The following LRIG1 variants were observed in gnomAD, a reference collection of about 807,000 sequenced individuals.
LRIG1 encodes the protein leucine rich repeats and immunoglobulin like domains 1, also known as leucine-rich repeats and immunoglobulin-like domains protein 1.
LRIG1 carries 48 observed loss-of-function variants against 99.2 expected under a neutral mutation model. That is an observed-to-expected ratio of 0.48 (90% CI 0.38 to 0.62). The LOEUF (loss-of-function observed/expected upper bound fraction) is 0.62. Among genes scored for constraint, LRIG1 ranks in the 20% least tolerant of loss-of-function variants. LRIG1 has a pLI of 0.00. For synonymous variants in LRIG1, 772 were observed against 596.1 expected (o/e 1.29, Z -4.30); for missense variants, 1,646 against 1,434.4 (o/e 1.15, Z -2.38).
rs1701338238 is a variant in LRIG1, at chr3:66,500,650, C to T, written c.-243G>A. The stretch of plus-strand genomic sequence containing the variant: ...CGCCCATCCGGGCCGGCCGGCCCGC[C>T]CGCGCTAGCTGCGAACTCCGCCGAT... On this transcript the variant is annotated 5_prime_UTR_variant, in exon 1 of 19. Transcript: ENST00000273261. 3.3e-6 allele frequency: 1 copy of T among 306,880 alleles called. No homozygotes were observed. The highest frequency in any genetic ancestry group is 2.2e-5 in the African/African-American group (1 of 45,494). The allele number at this position is 306,880 out of a possible 1,614,324, so 19.0% of individuals were successfully genotyped here.
rs1479115683 is a variant in LRIG1 at position 66,381,419 on chromosome 3, T to G, written c.2770+60A>C. ...GTGTCTCCCCCTTTGATGTAGTGAC[T>G]AGGTCAGCCCAAATTTCCATTTCAG... On this transcript the variant is annotated intron_variant, in intron 17 of 18. Coordinates refer to ENST00000273261, the MANE Select transcript of LRIG1 (RefSeq NM_015541.3). 5.8e-6 allele frequency: 9 copies of G among 1,548,596 alleles called. No homozygotes were observed. In the Admixed American group the frequency reaches 1.5e-4, roughly 27 times the overall value.
In LRIG1 at chr3:66,382,367, G is replaced by T; in HGVS notation, c.2523C>A (p.Ser841Arg). 2 of 1,614,198 alleles carry T rather than the reference G, an allele frequency of 1.2e-6. No individual in the cohort carries two copies. The highest frequency in any genetic ancestry group is 1.3e-5 in the African/African-American group (1 of 75,048). ...DETVVPPDVP[S>R]YLSSQGTLSD... ...AAAGGGTCCCCTGAGAAGAGAGGTA[G>T]CTTGGAACATCTGGTGGCACGACGG... The change falls in exon 16 of 19, where the codon AGC (serine) becomes AGA (arginine). Residue 841 changes from serine to arginine, a missense_variant. Ser to Arg is a moderately radical substitution (Grantham distance 110). Coordinates refer to ENST00000273261, the MANE Select transcript of LRIG1 (RefSeq NM_015541.3).
intron 15 of LRIG1, 111 bp downstream of exon 15, chr3:66,382,871 A>G: frequency 1.1e-6 from 1 of 933,964 alleles, no homozygotes; most frequent in Non-Finnish European, 1.6e-6. Context: ...AACCCTCAGG[A>G]GTTCTGAACA....
intron 1 of LRIG1, among the ~76,000 whole-genome samples, chr3:66,469,828 C>T (rs890310780): frequency 3.4e-5 from 5 of 146,844 alleles, no homozygotes; most frequent in African/African-American, 1.0e-4. Context: ...TCAGCACTTT[C>T]GGAGGCTAAA....
chr3:66,487,881 C>A (rs928082529), intron 1 of LRIG1, among the ~76,000 whole-genome samples: 1 of 152,116 alleles, frequency 6.6e-6, no homozygotes, highest in Non-Finnish European at 1.5e-5. Flanking sequence ...CTAAAGTAGT[C>A]CCTAATTGTT....
At chr3:66,415,154 G>C in intron 4 of LRIG1, 91 bp from the exon 5 acceptor site, 1 of 1,357,402 alleles carries the variant, frequency 7.4e-7, no homozygotes, top group East Asian at 2.4e-5. Context: ...TCTGAGTTGG[G>C]AAGATGAGTT....
intron 3 of LRIG1, among the ~76,000 whole-genome samples, chr3:66,449,574 T>A (rs1461253838): frequency 6.6e-6 from 1 of 152,196 alleles, no homozygotes. Flanking sequence ...AAGGTGCAAT[T>A]CTAAGTGCCA....
chr3:66,384,317 T>A, intron 13 of LRIG1, 45 bp from the exon 14 acceptor site: 2 of 1,575,734 alleles, frequency 1.3e-6, no homozygotes, highest in Non-Finnish European at 1.7e-6. Context: ...GACAGCTAGA[T>A]GCAAAACCAG....
chr3:66,408,962 G>GTGTGTGTGTGT (rs1553715390), intron 7 of LRIG1, among the ~76,000 whole-genome samples: 318 of 102,976 alleles, frequency 3.1e-3, no homozygotes, highest in East Asian at 0.018. Flanking sequence ...GTGTGTGTGT[G>GTGTGTGTGTGT]GTGGGGGGAG....
chr3:66,485,153 C>G, intron 1 of LRIG1, among the ~76,000 whole-genome samples: 1 of 63,636 alleles, frequency 1.6e-5, no homozygotes, highest in Admixed American at 1.4e-4. Context: ...TTAAGACCCT[C>G]TCAAAAAAAA....
chr3:66,433,404 T>C (rs763017457), intron 3 of LRIG1, among the ~76,000 whole-genome samples: 1 of 152,216 alleles, frequency 6.6e-6, no homozygotes, highest in Non-Finnish European at 1.5e-5. Flanking sequence ...AGGTTACACA[T>C]GGGCCCCTCA....
intron 16 of LRIG1, 95 bp from the exon 17 acceptor site, chr3:66,381,726 T>C (rs1049645594): frequency 1.4e-6 from 2 of 1,423,550 alleles, no homozygotes; most frequent in African/African-American, 2.9e-5. Flanking sequence ...GAACAGTCAT[T>C]TTTTTTAAAA....
intron 12 of LRIG1, among the ~76,000 whole-genome samples, chr3:66,389,262 A>G (rs1182754296): frequency 1.3e-5 from 2 of 152,232 alleles, no homozygotes; most frequent in Non-Finnish European, 2.9e-5. Context: ...TTAAAATAGT[A>G]CAACAGAAAA....
intron 1 of LRIG1, among the ~76,000 whole-genome samples, chr3:66,464,006 T>C (rs999183363): frequency 1.3e-5 from 2 of 152,216 alleles, no homozygotes; most frequent in African/African-American, 4.8e-5. Context: ...TGAACTCAAG[T>C]GTGAGCTTGT....
At position 66,394,046 on chromosome 3, in the gene LRIG1, C is replaced by G. The variant is rs375253403; in HGVS notation, c.1462G>C (p.Val488Leu). 6 of 1,613,908 alleles carry G rather than the reference C, an allele frequency of 3.7e-6. No individual in the cohort carries two copies. In the African/African-American group the frequency reaches 5.3e-5, roughly 14 times the overall value. ...SIFSVPPESF[V>L]CDDFLKPQII... ...GTTACAAAGACAGTCTTACCGCACACGAAACTCTCTGGTGGCACAGAGAAA... is the reference window on the plus strand; with the variant it reads ...GTTACAAAGACAGTCTTACCGCACAGGAAACTCTCTGGTGGCACAGAGAAA... Residue 488 changes from valine to leucine, a missense_variant, in exon 12 of 19, where the codon GTG becomes CTG. Coordinates refer to ENST00000273261, the MANE Select transcript of LRIG1 (RefSeq NM_015541.3).
intron 1 of LRIG1, among the ~76,000 whole-genome samples, chr3:66,479,337 C>T (rs1406000923): frequency 6.6e-6 from 1 of 152,218 alleles, no homozygotes; most frequent in Non-Finnish European, 1.5e-5. Context: ...TAATAAGCTC[C>T]CCTAGAGCGT....
intron 1 of LRIG1, among the ~76,000 whole-genome samples, chr3:66,483,039 C>T (rs572562886): frequency 1.2e-4 from 19 of 152,158 alleles, no homozygotes; most frequent in Non-Finnish European, 2.4e-4. Context: ...ACTAGGCTAA[C>T]AGATCAATAG....
At chr3:66,422,683 A>T (rs1356408020) in intron 3 of LRIG1, among the ~76,000 whole-genome samples, 3 of 152,220 alleles carry the variant, frequency 2.0e-5, no homozygotes, top group African/African-American at 7.2e-5. Flanking sequence ...TCTGCCTGTT[A>T]TCCAGTTCCA....
At position 66,460,075 on chromosome 3, in the gene LRIG1, G is replaced by A. The variant is rs149834482; in HGVS notation, c.290+2363C>T. On this transcript the variant is annotated intron_variant, in intron 2 of 18. Coordinates refer to ENST00000273261, the MANE Select transcript of LRIG1 (RefSeq NM_015541.3). ...TCTTTGGTGTCCCCATAAATTTTGCGCCTGTGTTGGGTGCCTCACTTGCCC... is the reference window on the plus strand; with the variant it reads ...TCTTTGGTGTCCCCATAAATTTTGCACCTGTGTTGGGTGCCTCACTTGCCC... Among the ~76,000 whole-genome samples the A allele has an allele frequency of 2.6e-3, 387 of 151,520 alleles. 3 individuals carry two copies. Among genetic ancestry groups the A allele is most frequent in the East Asian group, 0.022 (115 of 5,144 alleles).
Sources: allele counts gnomAD v4.1 joint callset (sites outside exome capture counted in the v4.1 genomes callset), GRCh38; gene constraint gnomAD v4.1.1; transcripts MANE v1.5; gene names NCBI Gene and HGNC (gene_info 2026-07-23, HGNC 2026-07-21).